SLC3A2: variants seen among roughly 807,000 people sequenced by gnomAD.
The protein encoded by SLC3A2 is amino acid transporter heavy chain SLC3A2.
In SLC3A2, 32 loss-of-function variants were observed where a neutral mutation model predicts 48.5. That is an observed-to-expected ratio of 0.66 (90% CI 0.50 to 0.89). The LOEUF is 0.89. Among genes scored for constraint, SLC3A2 ranks in the 40% least tolerant of loss-of-function variants. The pLI, the probability that SLC3A2 is intolerant of heterozygous loss-of-function variation, is 0.00. For synonymous variants in SLC3A2, 277 were observed against 288.8 expected (o/e 0.96, Z 0.41); for missense variants, 587 against 680.7 (o/e 0.86, Z 1.53).
Position 62,884,543 on chromosome 11 carries a change from A to G in SLC3A2, c.759+18A>G, listed in dbSNP as rs374078866. The G allele has an allele frequency of 3.6e-5, 58 of 1,614,146 alleles. No homozygotes were observed. Among genetic ancestry groups the G allele is most frequent in the Middle Eastern group, 3.3e-4 (2 of 6,062 alleles). ...ATCTGAAGGTGAGTTCCCTTTCCAC[A>G]TTAGGGACAAAGCTTGGGCGAGAAC... On this transcript the variant is annotated intron_variant, in intron 4 of 8. Coordinates refer to ENST00000338663, the MANE Select transcript of SLC3A2 (RefSeq NM_001013251.3).
At position 62,881,839 on chromosome 11, in the gene SLC3A2, GA is replaced by G; in HGVS notation, c.425-53del. The G allele has an allele frequency of 6.3e-7, 1 of 1,583,804 alleles. No individual in the cohort carries two copies. Among genetic ancestry groups the G allele is most frequent in the African/African-American group, 1.4e-5 (1 of 73,996 alleles). ...AGGCGCTGGGAGAAGGGAGGGTGGG[GA>G]GGTCAGGGGCCTCTCAGAGGGGCCT... is the stretch of plus-strand genomic sequence containing the variant. On this transcript the variant is annotated intron_variant, in intron 1 of 8. Coordinates refer to ENST00000338663, the MANE Select transcript of SLC3A2 (RefSeq NM_001013251.3). The surrounding 1 kb of genome is among the most constrained non-coding windows in gnomAD (Gnocchi z 4.0).
Position 62,881,508 on chromosome 11 carries a change from C to G in SLC3A2, c.424+61C>G. ...GTTGAATCTGGTGGCTTGCACCGAC[C>G]CCCTCCCCTGTCCCCAGACGGATCT... On this transcript the variant is annotated intron_variant, in intron 1 of 8. Transcript: ENST00000338663. The surrounding 1 kb of genome is among the most constrained non-coding windows in gnomAD (Gnocchi z 4.0). The G allele has an allele frequency of 6.7e-7, 1 of 1,495,236 alleles. No homozygotes were observed. Among genetic ancestry groups the G allele is most frequent in the Non-Finnish European group, 8.9e-7 (1 of 1,125,734 alleles). 92.6% of individuals were successfully genotyped at this position (1,495,236 alleles called of 1,614,324 possible). A position where few individuals can be genotyped will look rare whatever the true frequency, so the allele number is the denominator to read the frequency against.
At chr11:62,867,915 T>C (rs2085470571) in intron 1 of SLC3A2, among the ~76,000 whole-genome samples, 1 of 151,936 alleles carries the variant, frequency 6.6e-6, no homozygotes, top group Non-Finnish European at 1.5e-5. Context: ...CTACAAATTA[T>C]TTTTCAAAAA....
At position 62,884,365 on chromosome 11, in the gene SLC3A2, G is replaced by A. The variant is rs2135015211; in HGVS notation, c.691-92G>A. On this transcript the variant is annotated intron_variant, in intron 3 of 8. Coordinates refer to ENST00000338663, the MANE Select transcript of SLC3A2 (RefSeq NM_001013251.3). ...AGGACTCTCCCCAGCTCCCGGGGAA[G>A]TGTGTGGTGGGTGAGGTTTAGTGTG... 15 of 1,370,962 alleles carry A rather than the reference G, an allele frequency of 1.1e-5. No individual in the cohort carries two copies. In the South Asian group the frequency reaches 1.8e-4, roughly 16 times the overall value. The allele number at this position is 1,370,962 out of a possible 1,614,324, so 84.9% of individuals were successfully genotyped here. A position where few individuals can be genotyped will look rare whatever the true frequency, so the allele number is the denominator to read the frequency against.
intron 1 of SLC3A2, chr11:62,856,533 G>T: frequency 1.6e-6 from 1 of 634,726 alleles, no homozygotes; most frequent in Non-Finnish European, 2.7e-6. Context: ...GTTTTCTTTA[G>T]ATCTTGGACT....
intron 1 of SLC3A2, among the ~76,000 whole-genome samples, chr11:62,865,884 TC>T (rs2085447497): frequency 6.6e-6 from 1 of 152,092 alleles, no homozygotes; most frequent in South Asian, 2.1e-4. Context: ...GGGAGATACT[TC>T]CCCGTATATC....
At chr11:62,857,089 C>A (rs563756985) in intron 1 of SLC3A2, among the ~76,000 whole-genome samples, 2 of 152,060 alleles carry the variant, frequency 1.3e-5, no homozygotes, top group Admixed American at 6.6e-5. Context: ...TCCCAAAGTG[C>A]TGGGATTACA....
In SLC3A2 at chr11:62,887,334, C is replaced by A. The variant is rs976943953; in HGVS notation, c.1144-801C>A. Among the ~76,000 whole-genome samples the A allele has an allele frequency of 6.6e-5, 10 of 152,168 alleles. No homozygotes were observed. The East Asian group carries it at 1.9e-3, about 29-fold the overall frequency. Reference sequence around the variant, plus strand: ...AGTGAGAGAGCTGGCTGGCAGCCATCTGGGAGCTCTTGGCTGAGGGGCAAC... The same window carrying A: ...AGTGAGAGAGCTGGCTGGCAGCCATATGGGAGCTCTTGGCTGAGGGGCAAC... On this transcript the variant is annotated intron_variant, in intron 7 of 8. Transcript: ENST00000338663.
At chr11:62,863,276 A>C (rs1330234148) in intron 1 of SLC3A2, among the ~76,000 whole-genome samples, 2 of 152,070 alleles carry the variant, frequency 1.3e-5, no homozygotes, top group African/African-American at 4.8e-5. Context: ...GCTGGAATGC[A>C]GTGTGTGATC....
intron 1 of SLC3A2, among the ~76,000 whole-genome samples, chr11:62,869,376 T>G (rs1471033524): frequency 1.3e-5 from 2 of 151,334 alleles, no homozygotes; most frequent in Non-Finnish European, 2.9e-5. Flanking sequence ...TACAAAAAAT[T>G]AGCCAGGCGT....
chr11:62,862,457 C>G (rs936835594), intron 1 of SLC3A2, among the ~76,000 whole-genome samples: 3 of 151,970 alleles, frequency 2.0e-5, no homozygotes, highest in Admixed American at 2.0e-4. Flanking sequence ...TGAGACCAGC[C>G]TGGGCAACAT....
Position 62,881,045 on chromosome 11 carries a change from G to A in SLC3A2, c.22G>A (p.Asp8Asn). MSQDTEV[D>N]MKEVELNELE... ...CACCATGAGCCAGGACACCGAGGTG[G>A]ATATGAAGGAGGTGGAGCTGAATGA... Residue 8 changes from aspartate (D) to asparagine (N), a missense_variant, in exon 1 of 9, where the codon GAT (aspartate) becomes AAT (asparagine). By Grantham distance (23) the Asp-to-Asn change is conservative (BLOSUM62 1). Transcript: ENST00000338663. This position sits in a 1 kb window ranked among gnomAD's most constrained non-coding sequence, Gnocchi z 4.0. The A allele has an allele frequency of 6.3e-7, 1 of 1,582,374 alleles. No homozygotes were observed. The highest frequency in any genetic ancestry group is 1.2e-5 in the South Asian group (1 of 85,820).
At chr11:62,858,909 G>A (rs1313087504) in intron 1 of SLC3A2, among the ~76,000 whole-genome samples, 1 of 152,078 alleles carries the variant, frequency 6.6e-6, no homozygotes, top group African/African-American at 2.4e-5. Context: ...CCCTAAGGCG[G>A]TTTTTCCCTA....
chr11:62,876,413 CTCTTGAAGGCTAAAT>C (rs1347061358), upstream of SLC3A2, among the ~76,000 whole-genome samples: 1 of 152,072 alleles, frequency 6.6e-6, no homozygotes, highest in Non-Finnish European at 1.5e-5. Context: ...GCCCAGCCTT[CTCTTGAAGGCTAAAT>C]TCTTGAAAAA....
intron 1 of SLC3A2, among the ~76,000 whole-genome samples, chr11:62,859,949 G>A (rs908711790): frequency 2.6e-5 from 4 of 152,112 alleles, no homozygotes; most frequent in Non-Finnish European, 5.9e-5. Context: ...AAGTGGACCC[G>A]GGGACTGGCG....
At chr11:62,884,354 C>A in intron 3 of SLC3A2, 103 bp from the exon 4 acceptor site, 1 of 1,279,440 alleles carries the variant, frequency 7.8e-7, no homozygotes, top group Non-Finnish European at 1.1e-6. Flanking sequence ...CTCTCCCCAG[C>A]TCCCGGGGAA....
At chr11:62,876,837 A>G (rs1461175319), upstream of SLC3A2, 7 of 856,940 alleles carry the variant, frequency 8.2e-6, no homozygotes, top group East Asian at 3.5e-4. Context: ...CCTGACCTCA[A>G]TTGATCCGAC....
intron 1 of SLC3A2, among the ~76,000 whole-genome samples, chr11:62,862,719 T>G (rs2085414611): frequency 6.6e-6 from 1 of 152,222 alleles, no homozygotes; most frequent in Non-Finnish European, 1.5e-5. Context: ...TGTAAATTTT[T>G]AAATGATCTT....
Position 62,874,408 on chromosome 11 carries a change from T to C in SLC3A2, c.113-6611T>C, listed in dbSNP as rs180895231. Among the ~76,000 whole-genome samples the C allele has an allele frequency of 2.6e-3, 403 of 152,296 alleles. 2 individuals carry two copies. Among genetic ancestry groups the C allele is most frequent in the African/African-American group, 8.4e-3 (350 of 41,580 alleles). ...TAGTATTTGGTTTCATTTGAGAGAATGGCTTGCTGCAATGTTTTTCATTTG... is the reference window on the plus strand; with the variant it reads ...TAGTATTTGGTTTCATTTGAGAGAACGGCTTGCTGCAATGTTTTTCATTTG... On this transcript the variant is annotated intron_variant, in intron 1 of 9. Coordinates refer to the SLC3A2 transcript ENST00000377889.
Sources: gnomAD v4.1 joint callset for allele counts (sites outside exome capture counted in the v4.1 genomes callset) on GRCh38, gnomAD v4.1.1 for gene constraint, Gnocchi (gnomAD v3.1) non-coding constraint, MANE v1.5 for transcripts, NCBI Gene and HGNC (gene_info 2026-07-23, HGNC 2026-07-21) for gene names.